KIAA1328: variants seen among roughly 807,000 people sequenced by gnomAD.
KIAA1328 encodes the protein protein hinderin.
In KIAA1328, 52 loss-of-function variants were observed where a neutral mutation model predicts 68.1. The observed-to-expected ratio is 0.76, with a 90% CI of 0.61 to 0.96. KIAA1328 has a LOEUF of 0.96. KIAA1328 is among the 40% of genes least tolerant of loss of function. KIAA1328 has a pLI of 0.00. For missense variants in KIAA1328, 641 were observed against 677.6 expected, an observed-to-expected ratio of 0.95 and a Z score of 0.60; for synonymous variants, 232 against 239.4, an observed-to-expected ratio of 0.97 and a Z score of 0.28.
chr18:36,943,579 T>C (rs2050788348), intron 5 of KIAA1328, among the ~76,000 whole-genome samples: 1 of 152,260 alleles, frequency 6.6e-6, no homozygotes, highest in African/African-American at 2.4e-5. Flanking sequence ...TATTTAGCAT[T>C]GTTCATTGCT....
intron 6 of KIAA1328, among the ~76,000 whole-genome samples, chr18:37,044,700 C>A (rs1211915497): frequency 6.6e-6 from 1 of 151,024 alleles, no homozygotes; most frequent in South Asian, 2.1e-4. Context: ...GTTTGGGAGG[C>A]TGAGGCAGAG....
intron 5 of KIAA1328, among the ~76,000 whole-genome samples, chr18:36,957,641 A>G (rs2051476843): frequency 6.6e-6 from 1 of 152,144 alleles, no homozygotes; most frequent in African/African-American, 2.4e-5. Context: ...TGGTTTTATT[A>G]ATGAAATATT....
intron 6 of KIAA1328, among the ~76,000 whole-genome samples, chr18:37,032,727 C>T (rs893880328): frequency 2.6e-5 from 4 of 152,024 alleles, no homozygotes; most frequent in Admixed American, 6.6e-5. Flanking sequence ...CCGCAACCTC[C>T]GCCTCCCAGA....
chr18:37,121,424 A>ATCTG (rs1320070713), intron 7 of KIAA1328, among the ~76,000 whole-genome samples: 4 of 149,544 alleles, frequency 2.7e-5, no homozygotes, highest in African/African-American at 9.9e-5. Context: ...ACTTCTATCT[A>ATCTG]TCTATCTATC....
intron 7 of KIAA1328, among the ~76,000 whole-genome samples, chr18:37,127,310 A>C (rs1240911041): frequency 6.6e-6 from 1 of 152,240 alleles, no homozygotes; most frequent in African/African-American, 2.4e-5. Flanking sequence ...TTTAAAAAAC[A>C]CACACGTTCA....
intron 6 of KIAA1328, among the ~76,000 whole-genome samples, chr18:36,981,395 A>T (rs1358041238): frequency 6.6e-6 from 1 of 152,238 alleles, no homozygotes; most frequent in South Asian, 2.1e-4. Flanking sequence ...GATAAAATTT[A>T]CAACACTGGG....
In KIAA1328 at chr18:36,852,606, G is replaced by A. The variant is rs547402563; in HGVS notation, c.332+8304G>A. On this transcript the variant is annotated intron_variant, in intron 4 of 9. Coordinates refer to ENST00000280020, the MANE Select transcript of KIAA1328 (RefSeq NM_020776.3). ...CCTGCTGTTGCTACCCAATAAATACGAAGGGCTGTGGAAGCTCAGGGGCTA... is the reference window on the plus strand; with the variant it reads ...CCTGCTGTTGCTACCCAATAAATACAAAGGGCTGTGGAAGCTCAGGGGCTA... Among the ~76,000 whole-genome samples the A allele has an allele frequency of 5.3e-5, 8 of 152,202 alleles. No individual in the cohort carries two copies. In the South Asian group the frequency reaches 1.0e-3, roughly 20 times the overall value.
chr18:36,838,838 G>A (rs1012873076), intron 3 of KIAA1328, among the ~76,000 whole-genome samples: 4 of 152,040 alleles, frequency 2.6e-5, no homozygotes, highest in Non-Finnish European at 4.4e-5. Context: ...AGGTTCAAGT[G>A]ATTCTCCTAC....
chr18:37,095,881 G>T (rs1257920655), intron 7 of KIAA1328, among the ~76,000 whole-genome samples: 1 of 152,070 alleles, frequency 6.6e-6, no homozygotes, highest in Non-Finnish European at 1.5e-5. Flanking sequence ...TAACAAATTG[G>T]AAAGGAAGAA....
rs10582262 is a variant in KIAA1328 at position 36,913,479 on chromosome 18, T to TACACACACACAC, written c.448+27840_448+27851dup. 7.1e-3 allele frequency among the ~76,000 whole-genome samples: 648 copies of TACACACACACAC among 91,414 alleles called. 7 individuals carry two copies. The highest frequency in any genetic ancestry group is 0.01 in the South Asian group (20 of 1,932). 60.0% of individuals were successfully genotyped at this position (91,414 alleles called of 152,430 possible). A position where few individuals can be genotyped will look rare whatever the true frequency, so the allele number is the denominator to read the frequency against. On this transcript the variant is annotated intron_variant, in intron 5 of 9. Transcript: ENST00000280020. ...GGATGTACAAAGGCAATTACAACCT[T>TACACACACACAC]ACACACACACACACACACACACACA... is the stretch of plus-strand genomic sequence containing the variant.
At chr18:36,912,995 C>T (rs951880913) in intron 5 of KIAA1328, among the ~76,000 whole-genome samples, 3 of 152,194 alleles carry the variant, frequency 2.0e-5, no homozygotes, top group South Asian at 2.1e-4. Context: ...AAAACATCCT[C>T]TGTGATTTGA....
chr18:37,184,678 C>G (rs2059761271), intron 9 of KIAA1328, among the ~76,000 whole-genome samples: 1 of 152,168 alleles, frequency 6.6e-6, no homozygotes, highest in Non-Finnish European at 1.5e-5. Context: ...CCTAAGTTTT[C>G]CAGGCTTCTG....
chr18:37,132,486 G>A (rs967751382), intron 7 of KIAA1328, among the ~76,000 whole-genome samples: 4 of 152,134 alleles, frequency 2.6e-5, no homozygotes, highest in Admixed American at 2.0e-4. Flanking sequence ...TGAGGTTTAC[G>A]TCCATCTATT....
intron 7 of KIAA1328, chr18:37,084,289 C>T (rs1000451404): frequency 4.7e-5 from 46 of 987,942 alleles, no homozygotes; most frequent in Non-Finnish European, 5.8e-5. Context: ...ATTTAGGATA[C>T]GTTTGGTATA....
chr18:37,095,521 G>A (rs2151846095), intron 7 of KIAA1328, among the ~76,000 whole-genome samples: 1 of 152,214 alleles, frequency 6.6e-6, no homozygotes, highest in South Asian at 2.1e-4. Flanking sequence ...ATAAATTCTT[G>A]AAACAAATGA....
At chr18:37,023,161 G>A (rs2054413016) in intron 6 of KIAA1328, among the ~76,000 whole-genome samples, 1 of 152,186 alleles carries the variant, frequency 6.6e-6, no homozygotes, top group Admixed American at 6.5e-5. Context: ...CTCCCCAAGT[G>A]CTGGGATTAC....
intron 8 of KIAA1328, among the ~76,000 whole-genome samples, chr18:37,164,651 C>T (rs1425379290): frequency 1.3e-5 from 2 of 152,224 alleles, no homozygotes; most frequent in Admixed American, 6.5e-5. Flanking sequence ...GAGGCTGACG[C>T]AGAAGAATTG....
intron 5 of KIAA1328, among the ~76,000 whole-genome samples, chr18:36,916,045 A>T (rs1243420716): frequency 6.6e-6 from 1 of 152,180 alleles, no homozygotes; most frequent in African/African-American, 2.4e-5. Flanking sequence ...TGTCTTTTCA[A>T]TGTATGTTTC....
Position 36,835,383 on chromosome 18 carries a change from A to AT in KIAA1328, c.237+14dup. On this transcript the variant is annotated splice_region_variant and intron_variant, in intron 3 of 9. Transcript: ENST00000280020. The stretch of plus-strand genomic sequence containing the variant: ...AGATTCAGTAGATGAACAGGTTAGT[A>AT]TTTTTTTCGTCTTTTTTTTTCCTTG... The AT allele has an allele frequency of 3.1e-6, 5 of 1,604,048 alleles. No homozygotes were observed. Among genetic ancestry groups the AT allele is most frequent in the Non-Finnish European group, 4.3e-6 (5 of 1,176,262 alleles).
Sources: gnomAD v4.1 joint callset for allele counts (sites outside exome capture counted in the v4.1 genomes callset) on GRCh38, gnomAD v4.1.1 for gene constraint, MANE v1.5 for transcripts, NCBI Gene and HGNC (gene_info 2026-07-23, HGNC 2026-07-21) for gene names.